Variants in PDE6A observed in about 807,000 individuals in gnomAD.
PDE6A encodes the protein phosphodiesterase 6A.
PDE6A carries 84 observed loss-of-function variants against 106.3 expected under a neutral mutation model. The ratio of observed to expected loss-of-function variants is 0.79; its 90% confidence interval spans 0.66 to 0.95. PDE6A has a LOEUF of 0.95. PDE6A is among the 40% of genes least tolerant of loss of function. The pLI is 0.00. For missense variants in PDE6A, 1,052 were observed against 1,084.9 expected (o/e 0.97, Z 0.43); for synonymous variants, 394 against 386.6 (o/e 1.02, Z -0.23).
chr5:149,935,271 T>TGA (rs1491032548), intron 1 of PDE6A, among the ~76,000 whole-genome samples: 2 of 150,926 alleles, frequency 1.3e-5, no homozygotes, highest in African/African-American at 4.9e-5. Context: ...TGTGAGTGTG[T>TGA]GTGTGTGTGT....
intron 17 of PDE6A, among the ~76,000 whole-genome samples, chr5:149,878,795 G>A (rs1346020153): frequency 1.3e-5 from 2 of 152,116 alleles, no homozygotes; most frequent in South Asian, 2.1e-4. Flanking sequence ...GGGAACTGTC[G>A]GTTTGTGCCT....
chr5:149,928,228 T>C (rs1464496997), intron 4 of PDE6A, among the ~76,000 whole-genome samples: 2 of 63,030 alleles, frequency 3.2e-5, no homozygotes, highest in South Asian at 8.7e-4. Context: ...TATATATATA[T>C]ATATTTTTTT....
In PDE6A at chr5:149,876,269, A is replaced by G. The variant is rs1285021498; in HGVS notation, c.2135+7160T>C. 3.9e-5 allele frequency among the ~76,000 whole-genome samples: 6 copies of G among 152,168 alleles called. 1 individual carries two copies. The South Asian group carries it at 1.2e-3, about 32-fold the overall frequency. On this transcript the variant is annotated intron_variant, in intron 17 of 21. Coordinates refer to ENST00000255266, the MANE Select transcript of PDE6A (RefSeq NM_000440.3). ...TAACAATATAGGGTGGATTTTTTAA[A>G]AAGTATTGGTTTATGAATGAATATT... is the stretch of plus-strand genomic sequence containing the variant.
intron 17 of PDE6A, among the ~76,000 whole-genome samples, chr5:149,873,495 C>T (rs1451701092): frequency 6.6e-6 from 1 of 152,178 alleles, no homozygotes; most frequent in South Asian, 2.1e-4. Context: ...CCACGCCCAG[C>T]TAATTTTTGT....
rs1277282965 is a variant in PDE6A, at chr5:149,899,277, C to A, written c.1263+98G>T. 15 of 1,199,360 alleles carry A rather than the reference C, an allele frequency of 1.3e-5. No individual in the cohort carries two copies. In the Admixed American group the frequency reaches 1.7e-4, roughly 14 times the overall value. 74.3% of individuals were successfully genotyped at this position (1,199,360 alleles called of 1,614,324 possible). ...TGAGGCAGAGTCAGGGTTATAGCAA[C>A]CAGGTTGCTGCCCCATGTGATAGCG... On this transcript the variant is annotated intron_variant, in intron 9 of 21. Coordinates refer to ENST00000255266, the MANE Select transcript of PDE6A (RefSeq NM_000440.3).
chr5:149,907,869 T>G (rs527606706), intron 6 of PDE6A, among the ~76,000 whole-genome samples: 1 of 152,338 alleles, frequency 6.6e-6, no homozygotes, highest in South Asian at 2.1e-4. Context: ...AAACAAGCAT[T>G]AAAAACTTCA....
chr5:149,903,603 G>A, intron 8 of PDE6A, 45 bp downstream of exon 8: 1 of 1,493,726 alleles, frequency 6.7e-7, no homozygotes, highest in Non-Finnish European at 9.3e-7. Context: ...CTTTGGGGAG[G>A]AAAAAAAATC....
intron 4 of PDE6A, among the ~76,000 whole-genome samples, chr5:149,930,596 C>T (rs540776929): frequency 2.0e-4 from 30 of 152,208 alleles, no homozygotes; most frequent in Non-Finnish European, 3.7e-4. Context: ...GACCCGATGT[C>T]GGCATCTGCC....
chr5:149,921,521 CA>C, intron 5 of PDE6A, 113 bp downstream of exon 5: 1 of 768,310 alleles, frequency 1.3e-6, no homozygotes, highest in African/African-American at 1.7e-5. Flanking sequence ...TCAAAGGAGA[CA>C]ACCCAACGCA....
chr5:149,917,532 G>A (rs762173442), intron 5 of PDE6A, among the ~76,000 whole-genome samples: 2 of 152,126 alleles, frequency 1.3e-5, no homozygotes, highest in Non-Finnish European at 2.9e-5. Context: ...CCTAGCATTG[G>A]CGGCAGCTGC....
At chr5:149,935,251 A>T (rs765307205) in intron 1 of PDE6A, among the ~76,000 whole-genome samples, 1 of 134,342 alleles carries the variant, frequency 7.4e-6, no homozygotes, top group Non-Finnish European at 1.7e-5. Context: ...TAGATTGTGT[A>T]GACTGTGTGT....
intron 13 of PDE6A, among the ~76,000 whole-genome samples, chr5:149,887,719 T>C (rs750192617): frequency 1.2e-4 from 18 of 151,672 alleles, no homozygotes; most frequent in Non-Finnish European, 2.2e-4. Context: ...TATCATATCT[T>C]GCTGGGCAAA....
At chr5:149,918,922 A>G (rs990483279) in intron 5 of PDE6A, among the ~76,000 whole-genome samples, 3 of 152,098 alleles carry the variant, frequency 2.0e-5, no homozygotes, top group Admixed American at 2.0e-4. Flanking sequence ...TGCACCTGGC[A>G]CAACAAACTT....
rs1754403087 is a variant in PDE6A at position 149,944,208 on chromosome 5, T to C, written c.466A>G (p.Thr156Ala). The C allele has an allele frequency of 6.2e-7, 1 of 1,612,568 alleles. No homozygotes were observed. The highest frequency in any genetic ancestry group is 1.3e-5 in the African/African-American group (1 of 74,950). Residue 156 changes from threonine to alanine, a missense_variant, in exon 1 of 22, where the codon ACA becomes GCA. By Grantham distance (58) the Thr-to-Ala change is moderately conservative (BLOSUM62 0). Coordinates refer to ENST00000255266, the MANE Select transcript of PDE6A (RefSeq NM_000440.3). The part of the protein sequence containing the change: ...HSKKIANVPN[T>A]EEDEHFCDFV... ...CATGGGGAAGAGAGTACCTCCTCTGTGTTGGGGACGTTAGCAATCTTCTTA... is the reference window on the plus strand; with the variant it reads ...CATGGGGAAGAGAGTACCTCCTCTGCGTTGGGGACGTTAGCAATCTTCTTA...
At chr5:149,868,653 A>G (rs1482562799) in intron 17 of PDE6A, among the ~76,000 whole-genome samples, 1 of 151,986 alleles carries the variant, frequency 6.6e-6, no homozygotes, top group Non-Finnish European at 1.5e-5. Flanking sequence ...TTTTTTTCTC[A>G]TCATTGTTCC....
At position 149,863,955 on chromosome 5, in the gene PDE6A, C is replaced by T. The variant is rs1276331674; in HGVS notation, c.2359-689G>A. Among the ~76,000 whole-genome samples, 3 of 152,026 alleles carry T rather than the reference C, an allele frequency of 2.0e-5. No individual in the cohort carries two copies. Among genetic ancestry groups the T allele is most frequent in the Non-Finnish European group, 4.4e-5 (3 of 67,990 alleles). Reference sequence around the variant, plus strand: ...GTTCACTTTGCTGGAACACTCTAACCTCCCGTTTTCTTCCTTGAGGCCTCC... The same window carrying T: ...GTTCACTTTGCTGGAACACTCTAACTTCCCGTTTTCTTCCTTGAGGCCTCC... On this transcript the variant is annotated intron_variant, in intron 20 of 21. Transcript: ENST00000255266. This position sits in a 1 kb window ranked among gnomAD's most constrained non-coding sequence, Gnocchi z 4.7.
chr5:149,885,179 T>C (rs1461180572), intron 14 of PDE6A, among the ~76,000 whole-genome samples: 2 of 152,254 alleles, frequency 1.3e-5, no homozygotes, highest in Non-Finnish European at 2.9e-5. Flanking sequence ...ATTTATTCAT[T>C]TCTGCATTCA....
rs561785039 is a variant in PDE6A at position 149,868,087 on chromosome 5, G to A, written c.2199+8C>T. On this transcript the variant is annotated splice_region_variant and intron_variant, in intron 18 of 21. Transcript: ENST00000255266. ...TGCCCCTCCTCTTGGGTCAGCAGGA[G>A]TTCATACCTGGCTCTGCACCTCCCA... 16 of 1,613,618 alleles carry A rather than the reference G, an allele frequency of 9.9e-6. No individual in the cohort carries two copies. The African/African-American group carries it at 1.3e-4, about 13-fold the overall frequency.
chr5:149,906,172 A>G (rs1171199169), intron 7 of PDE6A, among the ~76,000 whole-genome samples: 1 of 151,932 alleles, frequency 6.6e-6, no homozygotes, highest in Non-Finnish European at 1.5e-5. Flanking sequence ...TTATCTTTCT[A>G]AAATGAAAAT....
Sources: gnomAD v4.1 joint callset for allele counts (sites outside exome capture counted in the v4.1 genomes callset) on GRCh38, gnomAD v4.1.1 for gene constraint, Gnocchi (gnomAD v3.1) non-coding constraint, MANE v1.5 for transcripts, NCBI Gene and HGNC (gene_info 2026-07-23, HGNC 2026-07-21) for gene names.